The following CYLC2 variants were observed in gnomAD, a reference collection of about 807,000 sequenced individuals.
CYLC2 encodes cylicin 2.
Under a neutral mutation model 26.1 loss-of-function variants are expected in CYLC2, and 30 were observed. That is an observed-to-expected ratio of 1.15 (90% CI 0.86 to 1.56). The LOEUF is 1.56. Among genes scored for constraint, CYLC2 ranks in the 40% most tolerant of loss-of-function variants. The pLI is 0.00. For synonymous variants in CYLC2, 158 were observed against 132.8 expected, an observed-to-expected ratio of 1.19 and a Z score of -1.31; for missense variants, 498 against 394.4, an observed-to-expected ratio of 1.26 and a Z score of -2.23.
At chr9:103,009,328 C>T (rs10990429) in intron 5 of CYLC2, among the ~76,000 whole-genome samples, 2 of 152,064 alleles carry the variant, frequency 1.3e-5, no homozygotes, top group Admixed American at 6.6e-5. Context: ...ACCTCAGCCT[C>T]CCCAGCAGCT....
intron 5 of CYLC2, among the ~76,000 whole-genome samples, chr9:103,007,145 T>A (rs1446876257): frequency 6.6e-6 from 1 of 152,162 alleles, no homozygotes; most frequent in Non-Finnish European, 1.5e-5. Flanking sequence ...TCTTTTAGAA[T>A]TTTATGAAGT....
intron 5 of CYLC2, 62 bp from the exon 6 acceptor site, chr9:103,011,920 A>C (rs1829410288): frequency 6.7e-6 from 1 of 149,724 alleles, no homozygotes; most frequent in African/African-American, 2.5e-5. Flanking sequence ...TCACAAAGTA[A>C]TAACTTGCTA....
intron 6 of CYLC2, among the ~76,000 whole-genome samples, chr9:103,013,520 T>G (rs1212581450): frequency 8.9e-6 from 1 of 112,228 alleles, no homozygotes; most frequent in Non-Finnish European, 1.6e-5. Context: ...AAGAAATAAA[T>G]TATATTAAGT....
At chr9:103,017,117 G>T (rs976203968) in intron 7 of CYLC2, among the ~76,000 whole-genome samples, 156 bp downstream of exon 7, 6 of 151,282 alleles carry the variant, frequency 4.0e-5, no homozygotes, top group Non-Finnish European at 7.4e-5. Context: ...GCTTTGCTTT[G>T]ATGATACTTA....
At chr9:103,009,245 C>T (rs940546639) in intron 5 of CYLC2, among the ~76,000 whole-genome samples, 5 of 152,100 alleles carry the variant, frequency 3.3e-5, no homozygotes, top group African/African-American at 1.2e-4. Flanking sequence ...CTCTCTGTTG[C>T]CCAGGCTGAG....
At chr9:103,009,612 T>G (rs1829384886) in intron 5 of CYLC2, among the ~76,000 whole-genome samples, 1 of 152,130 alleles carries the variant, frequency 6.6e-6, no homozygotes, top group African/African-American at 2.4e-5. Context: ...AAATGTACAG[T>G]TATTACTGAC....
chr9:103,001,470 G>T lies in CYLC2; in HGVS notation c.18-108G>T, dbSNP rs371337341. ...TATAACAAAAGATATCTGAGATTGT[G>T]AAATATTTCTCTAGTTGTTGGTTGC... On this transcript the variant is annotated intron_variant, in intron 1 of 7. Coordinates refer to ENST00000374798, the MANE Select transcript of CYLC2 (RefSeq NM_001340.5). 8.8e-5 allele frequency: 59 copies of T among 673,956 alleles called. 1 individual carries two copies. The highest frequency in any genetic ancestry group is 7.8e-4 in the East Asian group (28 of 36,046). 41.7% of individuals were successfully genotyped at this position (673,956 alleles called of 1,614,324 possible). A position where few individuals can be genotyped will look rare whatever the true frequency, so the allele number is the denominator to read the frequency against.
chr9:103,013,631 G>GAT (rs1184658712), intron 6 of CYLC2, among the ~76,000 whole-genome samples: 1 of 107,202 alleles, frequency 9.3e-6, no homozygotes, highest in Non-Finnish European at 1.7e-5. Flanking sequence ...ATGTTATATA[G>GAT]ATATATATTT....
chr9:103,001,717 A>G, intron 2 of CYLC2, 99 bp downstream of exon 2: 1 of 716,684 alleles, frequency 1.4e-6, no homozygotes, highest in Admixed American at 2.9e-5. Context: ...TTGCCATGGA[A>G]TAAAATTGAT....
At chr9:103,014,279 A>G (rs1829461042) in intron 6 of CYLC2, among the ~76,000 whole-genome samples, 1 of 130,898 alleles carries the variant, frequency 7.6e-6, no homozygotes, top group Non-Finnish European at 1.5e-5. Flanking sequence ...TAAATATATT[A>G]CATAGTATAC....
chr9:103,001,669 G>T, intron 2 of CYLC2, 51 bp downstream of exon 2: 1 of 1,157,104 alleles, frequency 8.6e-7, no homozygotes, highest in South Asian at 1.3e-5. Flanking sequence ...TAATTTTATG[G>T]TAAGTATTAT....
intron 5 of CYLC2, among the ~76,000 whole-genome samples, chr9:103,008,496 A>G (rs1481911789): frequency 6.6e-6 from 1 of 152,014 alleles, no homozygotes; most frequent in Non-Finnish European, 1.5e-5. Flanking sequence ...TTACTTAAGC[A>G]CCTAGTTGAC....
chr9:103,013,381 TA>T (rs1388601241), intron 6 of CYLC2, among the ~76,000 whole-genome samples: 1 of 108,880 alleles, frequency 9.2e-6, no homozygotes, highest in East Asian at 2.8e-4. Flanking sequence ...TAATATATTA[TA>T]TAAATATATA....
At chr9:103,016,257 A>C (rs1829504905) in intron 6 of CYLC2, among the ~76,000 whole-genome samples, 1 of 151,858 alleles carries the variant, frequency 6.6e-6, no homozygotes, top group Non-Finnish European at 1.5e-5. Context: ...AACTTAAATA[A>C]AAGCTGATAA....
intron 7 of CYLC2, 136 bp from the exon 8 acceptor site, chr9:103,018,189 A>G (rs750661709): frequency 1.3e-5 from 2 of 152,068 alleles, no homozygotes; most frequent in Non-Finnish European, 2.9e-5. Flanking sequence ...TGTTTAAACA[A>G]TGAGGAGAAC....
chr9:103,005,717 A>G lies in CYLC2; in HGVS notation c.*39A>G. 18 of 1,562,288 alleles carry G rather than the reference A, an allele frequency of 1.2e-5. No homozygotes were observed. Among genetic ancestry groups the G allele is most frequent in the Non-Finnish European group, 1.4e-5 (16 of 1,156,838 alleles). On this transcript the variant is annotated 3_prime_UTR_variant, in exon 5 of 8. Transcript: ENST00000374798. ...ATTTGAACCGAAAGAATAATTCAAA[A>G]GCATATTTGATGAAACAATAGTGGT...
Position 103,005,542 on chromosome 9 carries a change from C to T in CYLC2, c.911C>T (p.Ala304Val). ...KDATKDAKKV[A>V]KKDTEKESAD... ...GCCACGAAAGATGCCAAGAAAGTTG[C>T]CAAGAAAGATACTGAGAAAGAATCT... The change falls in exon 5 of 8, where the codon GCC (alanine) becomes GTC (valine). Residue 304 changes from alanine to valine, a missense_variant. Coordinates refer to ENST00000374798, the MANE Select transcript of CYLC2 (RefSeq NM_001340.5). The T allele has an allele frequency of 6.2e-7, 1 of 1,609,676 alleles. No individual in the cohort carries two copies. Among genetic ancestry groups the T allele is most frequent in the Non-Finnish European group, 8.5e-7 (1 of 1,177,426 alleles).
intron 6 of CYLC2, among the ~76,000 whole-genome samples, chr9:103,014,314 G>A (rs1280375299): frequency 7.7e-6 from 1 of 129,954 alleles, no homozygotes; most frequent in South Asian, 2.4e-4. Flanking sequence ...ATATTACATT[G>A]TATATATTAC....
chr9:103,008,003 G>A (rs1376182408), intron 5 of CYLC2, among the ~76,000 whole-genome samples: 1 of 151,952 alleles, frequency 6.6e-6, no homozygotes, highest in East Asian at 1.9e-4. Context: ...TCAAATCCTG[G>A]CCCTTTGTTC....
Sources: gnomAD v4.1 joint callset for allele counts (sites outside exome capture counted in the v4.1 genomes callset) on GRCh38, gnomAD v4.1.1 for gene constraint, MANE v1.5 for transcripts, NCBI Gene and HGNC (gene_info 2026-07-23, HGNC 2026-07-21) for gene names.